Variants in LDLRAD4 observed in about 807,000 individuals in gnomAD.
The protein encoded by LDLRAD4 is low-density lipoprotein receptor class A domain-containing protein 4.
Under a neutral mutation model 17.0 loss-of-function variants are expected in LDLRAD4, and 5 were observed. That is an observed-to-expected ratio of 0.29 (90% CI 0.15 to 0.62). The LOEUF is 0.62. Ranked by LOEUF, LDLRAD4 falls within the 20% of genes least tolerant of loss-of-function variation. LDLRAD4 has a pLI of 0.84. For missense variants in LDLRAD4, 340 were observed against 424.7 expected (o/e 0.80, Z 1.75); for synonymous variants, 168 against 171.8 (o/e 0.98, Z 0.17).
intron 1 of LDLRAD4, among the ~76,000 whole-genome samples, chr18:13,373,877 CCA>C (rs1422477400): frequency 6.6e-6 from 1 of 152,106 alleles, no homozygotes; most frequent in African/African-American, 2.4e-5. Context: ...ATAATAAATT[CCA>C]GAGTTTTCCA....
chr18:13,506,302 T>G (rs1052291103), intron 3 of LDLRAD4, among the ~76,000 whole-genome samples: 15 of 151,838 alleles, frequency 9.9e-5, no homozygotes, highest in Non-Finnish European at 2.1e-4. Flanking sequence ...ACATGTGCCA[T>G]GTTGGTGTGC....
At position 13,512,914 on chromosome 18, in the gene LDLRAD4, C is replaced by T. The variant is rs746964653; in HGVS notation, c.181+74530C>T. Among the ~76,000 whole-genome samples, 21 of 152,280 alleles carry T rather than the reference C, an allele frequency of 1.4e-4. 1 individual carries two copies. The highest frequency in any genetic ancestry group is 9.2e-4 in the Admixed American group (14 of 15,300). ...GTAAATTTTTTTGGCTTATTTTATA[C>T]GTTACCCTATCCTGTCTTCTCTCAC... On this transcript the variant is annotated intron_variant, in intron 3 of 5. Coordinates refer to ENST00000359446, the Ensembl canonical transcript of LDLRAD4.
At chr18:13,274,170 GCTCAGCCTT>G (rs2044723560), upstream of LDLRAD4, among the ~76,000 whole-genome samples, 1 of 152,206 alleles carries the variant, frequency 6.6e-6, no homozygotes, top group South Asian at 2.1e-4. Flanking sequence ...TAGTGTTTCT[GCTCAGCCTT>G]CTTTCTTGGA....
At chr18:13,353,763 G>A (rs1336835464) in intron 1 of LDLRAD4, among the ~76,000 whole-genome samples, 4 of 152,210 alleles carry the variant, frequency 2.6e-5, no homozygotes, top group African/African-American at 9.7e-5. Context: ...GCTACACCAG[G>A]CTGGGAAGTA....
chr18:13,471,596 C>T (rs1363856299), intron 3 of LDLRAD4: 1 of 152,462 alleles, frequency 6.6e-6, no homozygotes, highest in East Asian at 1.9e-4. Flanking sequence ...TTCAGGGACC[C>T]ACTCGGAGAG....
At chr18:13,640,467 G>C (rs2042449543) in intron 4 of LDLRAD4, among the ~76,000 whole-genome samples, 1 of 152,200 alleles carries the variant, frequency 6.6e-6, no homozygotes, top group African/African-American at 2.4e-5. Context: ...CCCAAGGCAG[G>C]AATGGCCTGA....
At chr18:13,224,474 CTTTTTTTTTT>C (rs10676168) in intron 1 of LDLRAD4, among the ~76,000 whole-genome samples, 23 of 87,886 alleles carry the variant, frequency 2.6e-4, no homozygotes, top group Admixed American at 1.6e-3. Context: ...TTCTTTCTTT[CTTTTTTTTTT>C]TTTTTTTTTT....
intron 4 of LDLRAD4, among the ~76,000 whole-genome samples, chr18:13,637,723 A>C (rs994636869): frequency 6.6e-6 from 1 of 151,940 alleles, no homozygotes; most frequent in Admixed American, 6.6e-5. Context: ...AAAATTAGCC[A>C]GGCATGGTGG....
chr18:13,457,115 C>CCT (rs1399990129), intron 3 of LDLRAD4, among the ~76,000 whole-genome samples: 1 of 152,252 alleles, frequency 6.6e-6, no homozygotes, highest in Non-Finnish European at 1.5e-5. Flanking sequence ...GGTCAGTCCC[C>CCT]AAGGCTGCCC....
chr18:13,396,276 AGCTG>A lies in LDLRAD4; in HGVS notation c.40+8516_40+8519del, dbSNP rs547430498. ...ATACAAAATAATAACGTGGTGCCCT[AGCTG>A]GGCGTGTAATTCTGTGCTCTGTTAG... On this transcript the variant is annotated intron_variant, in intron 2 of 5. Transcript: ENST00000359446. 1.5e-3 allele frequency among the ~76,000 whole-genome samples: 225 copies of A among 152,312 alleles called. 1 individual carries two copies. Among genetic ancestry groups the A allele is most frequent in the African/African-American group, 5.1e-3 (214 of 41,570 alleles).
At chr18:13,538,632 C>G (rs897770490) in intron 3 of LDLRAD4, among the ~76,000 whole-genome samples, 3 of 151,862 alleles carry the variant, frequency 2.0e-5, no homozygotes, top group African/African-American at 7.3e-5. Context: ...TCAAGCGATT[C>G]TCCCACCTCA....
At chr18:13,581,953 C>T (rs962086535) in intron 3 of LDLRAD4, among the ~76,000 whole-genome samples, 10 of 152,022 alleles carry the variant, frequency 6.6e-5, no homozygotes, top group Admixed American at 5.9e-4. Context: ...CAGCATTTGA[C>T]GGTCCACCCC....
rs532648756 is a variant in LDLRAD4 at position 13,549,555 on chromosome 18, G to A, written c.182-71562G>A. On this transcript the variant is annotated intron_variant, in intron 3 of 5. Transcript: ENST00000359446. ...AGATCTATAATTGTGTTTTAACATTGTCTGAAAAAGGGAACTGAATCTGAG... is the reference window on the plus strand; with the variant it reads ...AGATCTATAATTGTGTTTTAACATTATCTGAAAAAGGGAACTGAATCTGAG... Among the ~76,000 whole-genome samples the A allele has an allele frequency of 3.6e-4, 55 of 151,898 alleles. No homozygotes were observed. In the South Asian group the frequency reaches 8.0e-3, roughly 22 times the overall value.
chr18:13,603,265 G>C (rs971355449), intron 3 of LDLRAD4, among the ~76,000 whole-genome samples: 1 of 152,140 alleles, frequency 6.6e-6, no homozygotes, highest in African/African-American at 2.4e-5. Flanking sequence ...GTTCTTTCCT[G>C]ATGGTCCACT....
intron 3 of LDLRAD4, among the ~76,000 whole-genome samples, chr18:13,475,374 G>T (rs1209234851): frequency 6.6e-6 from 1 of 151,740 alleles, no homozygotes; most frequent in Non-Finnish European, 1.5e-5. Context: ...GAATCCTTGT[G>T]GCTCAGCCTC....
chr18:13,374,259 G>A lies in LDLRAD4; in HGVS notation c.-382-13082G>A, dbSNP rs112082530. On this transcript the variant is annotated intron_variant, in intron 1 of 5. Coordinates refer to ENST00000359446, the Ensembl canonical transcript of LDLRAD4. ...CACACAGGCTCCTATGGAGGCCGGA[G>A]CCCTCTCAGCCCTGACCCCACACAG... Among the ~76,000 whole-genome samples, 898 of 152,262 alleles carry A rather than the reference G, an allele frequency of 5.9e-3. 8 individuals are homozygous for A. Among genetic ancestry groups the A allele is most frequent in the African/African-American group, 0.021 (870 of 41,544 alleles).
At chr18:13,413,245 A>G (rs1045863591) in intron 2 of LDLRAD4, among the ~76,000 whole-genome samples, 4 of 152,186 alleles carry the variant, frequency 2.6e-5, no homozygotes, top group Admixed American at 6.6e-5. Context: ...CCACAGACCT[A>G]TCAAGTGGGG....
At chr18:13,355,366 A>G (rs1444324307) in intron 1 of LDLRAD4, among the ~76,000 whole-genome samples, 1 of 152,210 alleles carries the variant, frequency 6.6e-6, no homozygotes, top group Non-Finnish European at 1.5e-5. Context: ...CTGTTGAACT[A>G]CCAAGAGGAT....
At chr18:13,469,181 G>T (rs1323131188) in intron 3 of LDLRAD4, among the ~76,000 whole-genome samples, 2 of 152,140 alleles carry the variant, frequency 1.3e-5, no homozygotes, top group African/African-American at 4.8e-5. Flanking sequence ...ACCACAATGA[G>T]ATACCACTTC....
Sources: allele counts gnomAD v4.1 joint callset (sites outside exome capture counted in the v4.1 genomes callset), GRCh38; gene constraint gnomAD v4.1.1; transcripts MANE v1.5; gene names NCBI Gene and HGNC (gene_info 2026-07-23, HGNC 2026-07-21).